The following ATRNL1 variants were observed in gnomAD, a reference collection of about 807,000 sequenced individuals.
ATRNL1 encodes the protein attractin like 1, also known as attractin-like protein 1.
In ATRNL1, 95 loss-of-function variants were observed where a neutral mutation model predicts 182.7. The ratio of observed to expected loss-of-function variants is 0.52; its 90% CI spans 0.44 to 0.62. The LOEUF (loss-of-function observed/expected upper bound fraction) is 0.62, where lower values mean the gene tolerates loss of function less well. Among genes scored for constraint, ATRNL1 ranks in the 20% least tolerant of loss-of-function variants. The pLI is 0.00. For synonymous variants in ATRNL1, 576 were observed against 568.3 expected, an observed-to-expected ratio of 1.01 and a Z score of -0.19; for missense variants, 1,471 against 1,679.5, an observed-to-expected ratio of 0.88 and a Z score of 2.17.
At chr10:115,175,773 T>C (rs1847479343) in intron 8 of ATRNL1, among the ~76,000 whole-genome samples, 1 of 152,166 alleles carries the variant, frequency 6.6e-6, no homozygotes, top group African/African-American at 2.4e-5. Flanking sequence ...GCTGCTTACA[T>C]GTTGAAAGTA....
chr10:115,286,578 T>C (rs1337772010), intron 15 of ATRNL1, among the ~76,000 whole-genome samples, 181 bp downstream of exon 15: 7 of 152,040 alleles, frequency 4.6e-5, no homozygotes, highest in African/African-American at 1.7e-4. Flanking sequence ...TAAGGTTTTG[T>C]AAATTATCAC....
At position 115,706,630 on chromosome 10, in the gene ATRNL1, A is replaced by G. The variant is rs538824120; in HGVS notation, c.3796-20618A>G. On this transcript the variant is annotated intron_variant, in intron 26 of 28. Coordinates refer to ENST00000355044, the MANE Select transcript of ATRNL1 (RefSeq NM_207303.4). ...ACCCATTTCAAAACTCTGAAATAGAAATAGGTTAAGTGCAGACATCCGACT... is the reference window on the plus strand; with the variant it reads ...ACCCATTTCAAAACTCTGAAATAGAGATAGGTTAAGTGCAGACATCCGACT... 8.6e-5 allele frequency among the ~76,000 whole-genome samples: 13 copies of G among 152,034 alleles called. 1 individual carries two copies. The South Asian group carries it at 2.7e-3, about 31-fold the overall frequency.
chr10:115,649,950 A>C (rs1334075800), intron 26 of ATRNL1, among the ~76,000 whole-genome samples: 1 of 152,150 alleles, frequency 6.6e-6, no homozygotes, highest in Admixed American at 6.6e-5. Flanking sequence ...AGTGACAGTA[A>C]ATTAGAGAAT....
At chr10:115,352,782 C>T (rs1331066930) in intron 19 of ATRNL1, among the ~76,000 whole-genome samples, 5 of 152,078 alleles carry the variant, frequency 3.3e-5, no homozygotes, top group Non-Finnish European at 7.4e-5. Flanking sequence ...TGCCTGTAGT[C>T]CCAGCTACTC....
chr10:115,155,936 G>A (rs888814906), intron 5 of ATRNL1, among the ~76,000 whole-genome samples: 1 of 152,010 alleles, frequency 6.6e-6, no homozygotes, highest in African/African-American at 2.4e-5. Context: ...TTGGGGTATC[G>A]TGGGGTGCTA....
chr10:115,236,248 G>C (rs1850173336), intron 9 of ATRNL1, among the ~76,000 whole-genome samples: 1 of 152,092 alleles, frequency 6.6e-6, no homozygotes, highest in Non-Finnish European at 1.5e-5. Context: ...AGAGAACTAC[G>C]CATATATCCA....
chr10:115,555,942 A>G (rs574990487), intron 26 of ATRNL1, among the ~76,000 whole-genome samples: 27 of 152,122 alleles, frequency 1.8e-4, no homozygotes, highest in Middle Eastern at 3.4e-3. Context: ...CTTTACCTAT[A>G]TAAGGAATTT....
intron 28 of ATRNL1, among the ~76,000 whole-genome samples, chr10:115,921,447 A>C (rs1475199648): frequency 6.6e-6 from 1 of 152,206 alleles, no homozygotes. Flanking sequence ...AAAAAGATAA[A>C]GAAGAAAACT....
intron 9 of ATRNL1, among the ~76,000 whole-genome samples, chr10:115,223,619 C>T (rs1225432938): frequency 1.3e-5 from 2 of 151,750 alleles, no homozygotes; most frequent in East Asian, 1.9e-4. Context: ...GGACAATGAA[C>T]AATTTTGTCT....
At chr10:115,409,308 AC>A (rs1845016371) in intron 20 of ATRNL1, among the ~76,000 whole-genome samples, 1 of 151,998 alleles carries the variant, frequency 6.6e-6, no homozygotes, top group African/African-American at 2.4e-5. Context: ...ATTTCTAGGT[AC>A]TTTTTTGTTA....
Position 115,360,662 on chromosome 10 carries a change from T to TA in ATRNL1, c.3175+26252dup, listed in dbSNP as rs1174656235. Among the ~76,000 whole-genome samples the TA allele has an allele frequency of 1.9e-3, 282 of 149,968 alleles. 5 individuals are homozygous for TA. The highest frequency in any genetic ancestry group is 3.8e-3 in the Admixed American group (57 of 15,044). ...TGAGGCCTTCTTAGTCTTTTTTTTT[T>TA]AAAAAAAAATTTATTTTACTTTAAG... On this transcript the variant is annotated intron_variant, in intron 19 of 28. Transcript: ENST00000355044.
At chr10:115,757,493 C>G (rs1416479545) in intron 27 of ATRNL1, among the ~76,000 whole-genome samples, 1 of 152,200 alleles carries the variant, frequency 6.6e-6, no homozygotes. Flanking sequence ...GTCCCCTACT[C>G]TCTTCTGGCT....
intron 9 of ATRNL1, among the ~76,000 whole-genome samples, chr10:115,217,646 T>G (rs1161426729): frequency 1.3e-5 from 2 of 152,210 alleles, no homozygotes; most frequent in African/African-American, 4.8e-5. Context: ...CTTTACATAG[T>G]GAAAGTTTTG....
chr10:115,474,647 T>C (rs1848451539), intron 24 of ATRNL1, among the ~76,000 whole-genome samples: 1 of 151,228 alleles, frequency 6.6e-6, no homozygotes, highest in Non-Finnish European at 1.5e-5. Context: ...TTCACTGTCT[T>C]GAGTCTGGTG....
chr10:115,254,745 C>T (rs11197137), intron 10 of ATRNL1, among the ~76,000 whole-genome samples: 1,662 of 152,288 alleles, frequency 0.011, 23 homozygotes, highest in East Asian at 0.069. Context: ...CCTAGGTTCT[C>T]TTCTAGGGTT....
rs559212940 is a variant in ATRNL1, at chr10:115,150,042, G to C, written c.830-9998G>C. Reference sequence around the variant, plus strand: ...CAGTTTTTAATGGTCTGTTTAGGTTGTCTAAATATTTTTTCTTGATTCAAT... The same window carrying C: ...CAGTTTTTAATGGTCTGTTTAGGTTCTCTAAATATTTTTTCTTGATTCAAT... On this transcript the variant is annotated intron_variant, in intron 5 of 28. Transcript: ENST00000355044. Among the ~76,000 whole-genome samples, 4 of 151,922 alleles carry C rather than the reference G, an allele frequency of 2.6e-5. No individual in the cohort carries two copies. The East Asian group carries it at 7.7e-4, about 29-fold the overall frequency.
chr10:115,235,207 A>C (rs1239398328), intron 9 of ATRNL1, among the ~76,000 whole-genome samples: 2 of 152,218 alleles, frequency 1.3e-5, no homozygotes, highest in African/African-American at 2.4e-5. Context: ...TGGTGAAGTT[A>C]AATTTTTGTG....
At chr10:115,746,622 A>G (rs1265511582) in intron 27 of ATRNL1, among the ~76,000 whole-genome samples, 1 of 152,076 alleles carries the variant, frequency 6.6e-6, no homozygotes, top group African/African-American at 2.4e-5. Context: ...CACATTGACT[A>G]TAATCCTAGG....
chr10:115,912,204 A>G (rs1372926460), intron 28 of ATRNL1, among the ~76,000 whole-genome samples: 1 of 152,152 alleles, frequency 6.6e-6, no homozygotes, highest in African/African-American at 2.4e-5. Flanking sequence ...ATGATAAACC[A>G]TTGATTGTTG....
Sources: allele counts gnomAD v4.1 joint callset (sites outside exome capture counted in the v4.1 genomes callset), GRCh38; gene constraint gnomAD v4.1.1; transcripts MANE v1.5; gene names NCBI Gene and HGNC (gene_info 2026-07-23, HGNC 2026-07-21).